The following ZBTB16 variants were observed in gnomAD, a reference collection of about 807,000 sequenced individuals.
The protein encoded by ZBTB16 is zinc finger and BTB domain-containing protein 16.
Under a neutral mutation model 56.8 loss-of-function variants are expected in ZBTB16, and 8 were observed. The observed-to-expected ratio is 0.14, with a 90% CI of 0.08 to 0.25. The LOEUF (loss-of-function observed/expected upper bound fraction) is 0.25, where lower values mean the gene tolerates loss of function less well. Ranked by LOEUF, ZBTB16 falls within the 10% of genes least tolerant of loss-of-function variation. The pLI, the probability that ZBTB16 is intolerant of heterozygous loss-of-function variation, is 1.00. For missense variants in ZBTB16, 625 were observed against 903.0 expected (o/e 0.69, Z 3.95); for synonymous variants, 363 against 368.5 (o/e 0.98, Z 0.17).
chr11:114,229,897 A>G (rs544737854), intron 4 of ZBTB16, among the ~76,000 whole-genome samples: 1 of 152,334 alleles, frequency 6.6e-6, no homozygotes, highest in South Asian at 2.1e-4. Context: ...TTGTGAAAAA[A>G]GAGTCAATTT....
intron 2 of ZBTB16, among the ~76,000 whole-genome samples, chr11:114,115,912 G>A (rs1437787909): frequency 6.6e-6 from 1 of 152,178 alleles, no homozygotes; most frequent in African/African-American, 2.4e-5. Flanking sequence ...GACTGTGCCC[G>A]GGGCTTCACA....
In ZBTB16 at chr11:114,060,917, T is replaced by G; in HGVS notation, c.-91+1035T>G. Among the ~76,000 whole-genome samples the G allele has an allele frequency of 6.6e-6, 1 of 151,720 alleles. No individual in the cohort carries two copies. Among genetic ancestry groups the G allele is most frequent in the African/African-American group, 2.4e-5 (1 of 41,300 alleles). Reference sequence around the variant, plus strand: ...CCCTTCTCGCCTTTCCTCCCACAACTCGCTGCGGGGCTTTTGTGCTTCCCC... The same window carrying G: ...CCCTTCTCGCCTTTCCTCCCACAACGCGCTGCGGGGCTTTTGTGCTTCCCC... On this transcript the variant is annotated intron_variant, in intron 1 of 6. Coordinates refer to ENST00000335953, the MANE Select transcript of ZBTB16 (RefSeq NM_006006.6). The surrounding 1 kb of genome is among the most constrained non-coding windows in gnomAD (Gnocchi z 6.0).
chr11:114,080,098 C>T (rs183344655), intron 2 of ZBTB16, among the ~76,000 whole-genome samples: 141 of 152,200 alleles, frequency 9.3e-4, no homozygotes, highest in Non-Finnish European at 1.4e-3. Flanking sequence ...CCCTACACCC[C>T]GGGGAGTAGG....
At chr11:114,132,442 G>A (rs563049512) in intron 2 of ZBTB16, among the ~76,000 whole-genome samples, 1 of 152,268 alleles carries the variant, frequency 6.6e-6, no homozygotes, top group African/African-American at 2.4e-5. Context: ...GCCTTACAAT[G>A]TCTGTCAGTA....
chr11:114,167,386 G>GT (rs200403454), intron 3 of ZBTB16, among the ~76,000 whole-genome samples: 1,303 of 94,642 alleles, frequency 0.014, 9 homozygotes, highest in Admixed American at 0.018. Context: ...GAGTTTTTTT[G>GT]TTTTTTTTTT....
Position 114,202,809 on chromosome 11 carries a change from G to C in ZBTB16, c.1453+15771G>C, listed in dbSNP as rs116550203. Among the ~76,000 whole-genome samples, 920 of 152,260 alleles carry C rather than the reference G, an allele frequency of 6.0e-3. 6 individuals carry two copies. The highest frequency in any genetic ancestry group is 0.02 in the African/African-American group (851 of 41,552). ...AAGTGTGTGTGTGAGATTGGAGTGT[G>C]GCAAGGACAGGCAGGTATCACTTAT... On this transcript the variant is annotated intron_variant, in intron 4 of 6. Coordinates refer to ENST00000335953, the MANE Select transcript of ZBTB16 (RefSeq NM_006006.6).
chr11:114,070,245 A>C (rs1939293306), intron 2 of ZBTB16, among the ~76,000 whole-genome samples: 1 of 151,036 alleles, frequency 6.6e-6, no homozygotes, highest in East Asian at 1.9e-4. Flanking sequence ...AGTAGCTGGG[A>C]CTACAGGCGC....
At chr11:114,133,108 C>T (rs1941709290) in intron 2 of ZBTB16, among the ~76,000 whole-genome samples, 1 of 152,068 alleles carries the variant, frequency 6.6e-6, no homozygotes, top group Non-Finnish European at 1.5e-5. Context: ...TTCCAAATCT[C>T]GCCAAAATCA....
At chr11:114,131,024 C>T (rs765210822) in intron 2 of ZBTB16, among the ~76,000 whole-genome samples, 38 of 152,146 alleles carry the variant, frequency 2.5e-4, no homozygotes, top group Non-Finnish European at 3.8e-4. Flanking sequence ...CATGATCTTG[C>T]AGCACACGAG....
intron 2 of ZBTB16, among the ~76,000 whole-genome samples, chr11:114,138,971 G>A (rs1425867009): frequency 3.3e-5 from 5 of 152,088 alleles, no homozygotes; most frequent in Admixed American, 1.3e-4. Flanking sequence ...GATTACAGGC[G>A]TGAGCCACTG....
At chr11:114,223,389 A>AGTGG (rs1299003236) in intron 4 of ZBTB16, among the ~76,000 whole-genome samples, 1 of 152,148 alleles carries the variant, frequency 6.6e-6, no homozygotes. Context: ...GGGGATGGTG[A>AGTGG]GTGGGTGGGT....
At chr11:114,106,471 TC>T (rs1565628683) in intron 2 of ZBTB16, among the ~76,000 whole-genome samples, 2 of 150,624 alleles carry the variant, frequency 1.3e-5, no homozygotes, top group Non-Finnish European at 2.9e-5. Flanking sequence ...TTCACGATCT[TC>T]TTTTTTTTTT....
In ZBTB16 at chr11:114,105,704, C is replaced by T. The variant is rs569683382; in HGVS notation, c.1268+41136C>T. Among the ~76,000 whole-genome samples the T allele has an allele frequency of 2.0e-5, 3 of 152,336 alleles. No individual in the cohort carries two copies. In the South Asian group the frequency reaches 6.2e-4, roughly 32 times the overall value. On this transcript the variant is annotated intron_variant, in intron 2 of 6. Transcript: ENST00000335953. ...TAAATGAACTTTTTCCCCTGTTCCT[C>T]CATCACTCTGCTGTTCTCTTCTCCT...
chr11:114,079,430 G>A (rs1220269487), intron 2 of ZBTB16, among the ~76,000 whole-genome samples: 1 of 152,172 alleles, frequency 6.6e-6, no homozygotes, highest in Non-Finnish European at 1.5e-5. Context: ...GCAGCCAGCT[G>A]GTGAAATAAT....
At chr11:114,207,688 A>C (rs530023929) in intron 4 of ZBTB16, among the ~76,000 whole-genome samples, 1 of 152,082 alleles carries the variant, frequency 6.6e-6, no homozygotes. Flanking sequence ...ATCTCAGCTC[A>C]CTGCAACCTC....
At chr11:114,067,378 T>C (rs1300768622) in intron 2 of ZBTB16, among the ~76,000 whole-genome samples, 2 of 152,174 alleles carry the variant, frequency 1.3e-5, no homozygotes, top group Non-Finnish European at 2.9e-5. Context: ...GTGTCACATG[T>C]GGGCTGCTGA....
chr11:114,157,578 G>A (rs1205290744), intron 3 of ZBTB16, among the ~76,000 whole-genome samples: 3 of 152,146 alleles, frequency 2.0e-5, no homozygotes, highest in African/African-American at 2.4e-5. Context: ...CTGCCTGGCC[G>A]TTTAGTACTG....
At chr11:114,133,474 T>C (rs1042663117) in intron 2 of ZBTB16, among the ~76,000 whole-genome samples, 1 of 152,168 alleles carries the variant, frequency 6.6e-6, no homozygotes, top group Non-Finnish European at 1.5e-5. Flanking sequence ...ATCTTGGAAT[T>C]CAAAAAGCAA....
rs774040543 is a variant in ZBTB16 at position 114,242,215 on chromosome 11, C to T, written c.1502C>T (p.Ala501Val). Reference protein sequence around the residue: ...FCLLCGKRFQAQSALQQHMEV... With the variant: ...FCLLCGKRFQVQSALQQHMEV... ...CTGCTGTGTGGGAAGCGCTTCCAGGCGCAGAGCGCACTGCAGCAGCACATG... is the reference window on the plus strand; with the variant it reads ...CTGCTGTGTGGGAAGCGCTTCCAGGTGCAGAGCGCACTGCAGCAGCACATG... The change falls in exon 5 of 7, where the codon GCG (alanine) becomes GTG (valine). Residue 501 changes from alanine to valine, a missense_variant. Ala to Val is a moderately conservative substitution (Grantham distance 64). This residue lies in a region of ZBTB16 where 140 missense variants were observed against 214.8 expected (regional missense o/e 0.65). Coordinates refer to ENST00000335953, the MANE Select transcript of ZBTB16 (RefSeq NM_006006.6). 1.5e-5 allele frequency: 24 copies of T among 1,613,862 alleles called. No individual in the cohort carries two copies. Among genetic ancestry groups the T allele is most frequent in the East Asian group, 1.1e-4 (5 of 44,882 alleles).
Sources: gnomAD v4.1 joint callset for allele counts (sites outside exome capture counted in the v4.1 genomes callset) on GRCh38, gnomAD v4.1.1 for gene constraint, gnomAD v4.1.1 regional missense constraint, Gnocchi (gnomAD v3.1) non-coding constraint, MANE v1.5 for transcripts, NCBI Gene and HGNC (gene_info 2026-07-23, HGNC 2026-07-21) for gene names.